PHACTR1: variants seen among roughly 807,000 people sequenced by gnomAD.
The protein encoded by PHACTR1 is RPEL repeat containing 1.
In PHACTR1, 16 loss-of-function variants were observed where a neutral mutation model predicts 69.2. The observed-to-expected ratio is 0.23, with a 90% CI of 0.16 to 0.35. The LOEUF (loss-of-function observed/expected upper bound fraction) is 0.35. PHACTR1 is among the 10% of genes least tolerant of loss of function. The pLI, the probability that PHACTR1 is intolerant of heterozygous loss-of-function variation, is 1.00. For missense variants in PHACTR1, 510 were observed against 734.7 expected (o/e 0.69, Z 3.54); for synonymous variants, 312 against 284.5 (o/e 1.10, Z -0.97).
intron 10 of PHACTR1, chr6:13,230,411 G>C (rs1488022339): frequency 2.7e-6 from 3 of 1,111,314 alleles, no homozygotes; most frequent in Non-Finnish European, 3.6e-6. Flanking sequence ...AATTAGTCAG[G>C]CATGGTGGCC....
At chr6:13,060,852 G>T (rs1285705122) in intron 5 of PHACTR1, among the ~76,000 whole-genome samples, 1 of 152,136 alleles carries the variant, frequency 6.6e-6, no homozygotes, top group Non-Finnish European at 1.5e-5. Flanking sequence ...CTGGAGTTTT[G>T]CCAGATGAGT....
At chr6:12,996,332 G>A (rs1797407253) in intron 4 of PHACTR1, among the ~76,000 whole-genome samples, 1 of 152,086 alleles carries the variant, frequency 6.6e-6, no homozygotes, top group Non-Finnish European at 1.5e-5. Flanking sequence ...TCTCTGGCAA[G>A]AGGCATCAAA....
At chr6:12,832,696 G>A (rs146487222) in intron 4 of PHACTR1, among the ~76,000 whole-genome samples, 2,529 of 152,132 alleles carry the variant, frequency 0.017, 42 homozygotes, top group Middle Eastern at 0.031. Flanking sequence ...CCCATTGCTT[G>A]TTTCAAAGCC....
At chr6:12,907,706 G>A (rs2127491289) in intron 4 of PHACTR1, among the ~76,000 whole-genome samples, 1 of 152,056 alleles carries the variant, frequency 6.6e-6, no homozygotes, top group Admixed American at 6.6e-5. Flanking sequence ...CATAGTCTAG[G>A]TTGGAGTTTG....
At chr6:12,832,863 G>A (rs1777738545) in intron 4 of PHACTR1, among the ~76,000 whole-genome samples, 1 of 152,124 alleles carries the variant, frequency 6.6e-6, no homozygotes. Flanking sequence ...ATGCTAAAAT[G>A]CCTTCTCTGA....
chr6:12,783,534 TATTCATGGTGGACTCCAAATTAG>T (rs1554138121), intron 4 of PHACTR1, among the ~76,000 whole-genome samples: 1 of 152,226 alleles, frequency 6.6e-6, no homozygotes, highest in Non-Finnish European at 1.5e-5. Context: ...GGGCTTCACC[TATTCATGGTGGACTCCAAATTAG>T]CAGTTTTCAG....
intron 4 of PHACTR1, among the ~76,000 whole-genome samples, chr6:13,048,465 G>T (rs551223809): frequency 6.6e-6 from 1 of 151,808 alleles, no homozygotes; most frequent in East Asian, 1.9e-4. Flanking sequence ...TTCTTTCTCT[G>T]GTTCCTGCAA....
Position 13,272,925 on chromosome 6 carries a change from T to A in PHACTR1, c.1447+10T>A. ...AGGAACATTTTGAAACGTAAGTGAC[T>A]AAGCCCATGGCAATCCCTGATGTTT... On this transcript the variant is annotated intron_variant, in intron 11 of 14. Coordinates refer to ENST00000332995, the MANE Select transcript of PHACTR1 (RefSeq NM_030948.6). 1 of 1,614,038 alleles carries A rather than the reference T, an allele frequency of 6.2e-7. No homozygotes were observed. The highest frequency in any genetic ancestry group is 8.5e-7 in the Non-Finnish European group (1 of 1,179,888).
chr6:12,771,549 T>G (rs751891173), intron 4 of PHACTR1, among the ~76,000 whole-genome samples: 1 of 152,122 alleles, frequency 6.6e-6, no homozygotes, highest in Non-Finnish European at 1.5e-5. Flanking sequence ...GCCCAGTGGA[T>G]TGAATTGTGT....
rs368371979 is a variant in PHACTR1, at chr6:12,805,044, G to C, written c.250+55254G>C. Among the ~76,000 whole-genome samples, 6 of 152,150 alleles carry C rather than the reference G, an allele frequency of 3.9e-5. No homozygotes were observed. In the South Asian group the frequency reaches 6.2e-4, roughly 16 times the overall value. ...TATCCTCAATGTATGCATTGCAAAG[G>C]AATTTGCCTTTTGGGTTATATGTGG... On this transcript the variant is annotated intron_variant, in intron 4 of 14. Coordinates refer to ENST00000332995, the MANE Select transcript of PHACTR1 (RefSeq NM_030948.6).
chr6:13,023,208 G>T (rs1485035441), intron 4 of PHACTR1, among the ~76,000 whole-genome samples: 1 of 152,098 alleles, frequency 6.6e-6, no homozygotes, highest in Non-Finnish European at 1.5e-5. Context: ...CAGAGGCACA[G>T]GTTTAAAATG....
chr6:12,779,244 A>C (rs1470676680), intron 4 of PHACTR1, among the ~76,000 whole-genome samples: 1 of 152,220 alleles, frequency 6.6e-6, no homozygotes, highest in African/African-American at 2.4e-5. Flanking sequence ...CTGAGGCAGG[A>C]GAATCGCTTG....
intron 5 of PHACTR1, among the ~76,000 whole-genome samples, chr6:13,084,186 A>G (rs1383318679): frequency 6.6e-6 from 1 of 152,052 alleles, no homozygotes; most frequent in African/African-American, 2.4e-5. Flanking sequence ...ATGGAATACT[A>G]TGCAGCCATA....
rs370952612 is a variant in PHACTR1, at chr6:13,190,282, G to A, written c.664+7596G>A. On this transcript the variant is annotated intron_variant, in intron 7 of 14. Transcript: ENST00000332995. ...ACTCCTGGCCTGAAGTGATCTGCCC[G>A]CCTCAGCCTCCCAAAATGCTGGGAT... 2.3e-3 allele frequency among the ~76,000 whole-genome samples: 326 copies of A among 143,684 alleles called. 2 individuals carry two copies. The highest frequency in any genetic ancestry group is 7.8e-3 in the African/African-American group (299 of 38,496). 94.3% of individuals were successfully genotyped at this position (143,684 alleles called of 152,430 possible). A position where few individuals can be genotyped will look rare whatever the true frequency, so the allele number is the denominator to read the frequency against.
intron 3 of PHACTR1, among the ~76,000 whole-genome samples, chr6:12,737,735 C>T (rs535685790): frequency 3.6e-4 from 54 of 152,086 alleles, no homozygotes; most frequent in African/African-American, 1.3e-3. Flanking sequence ...GCTGGGACTA[C>T]AGGCGTGTGC....
At chr6:12,718,641 T>C (rs1761703532) in intron 2 of PHACTR1, 58 bp from the exon 3 acceptor site, 12 of 506,074 alleles carry the variant, frequency 2.4e-5, no homozygotes, top group Admixed American at 1.4e-4. Context: ...AGTACATCTA[T>C]ATATACACTT....
intron 3 of PHACTR1, among the ~76,000 whole-genome samples, chr6:12,731,005 T>TATTTATTA: frequency 6.7e-6 from 1 of 149,540 alleles, no homozygotes; most frequent in Non-Finnish European, 1.5e-5. Flanking sequence ...TTTATTTATT[T>TATTTATTA]ATTTATTTAT....
chr6:12,914,471 G>A (rs376305164), intron 4 of PHACTR1, among the ~76,000 whole-genome samples: 15 of 152,158 alleles, frequency 9.9e-5, no homozygotes, highest in African/African-American at 3.1e-4. Context: ...CTTCACTTCA[G>A]CTACTATAGA....
intron 4 of PHACTR1, among the ~76,000 whole-genome samples, chr6:12,806,674 A>T (rs994740128): frequency 2.0e-5 from 3 of 152,112 alleles, no homozygotes; most frequent in African/African-American, 7.2e-5. Context: ...CATTCCTAGC[A>T]TGCTTTAATA....
Sources: gnomAD v4.1 joint callset for allele counts (sites outside exome capture counted in the v4.1 genomes callset) on GRCh38, gnomAD v4.1.1 for gene constraint, MANE v1.5 for transcripts, NCBI Gene and HGNC (gene_info 2026-07-23, HGNC 2026-07-21) for gene names.